The following CYRIA variants were observed in gnomAD, a reference collection of about 807,000 sequenced individuals.
CYRIA encodes CYFIP related Rac1 interactor A.
Under a neutral mutation model 43.9 loss-of-function variants are expected in CYRIA, and 15 were observed. That is an observed-to-expected ratio of 0.34 (90% confidence interval 0.23 to 0.53). CYRIA has a LOEUF of 0.53. Ranked by LOEUF, CYRIA falls within the 20% of genes least tolerant of loss-of-function variation. The pLI is 0.94. For missense variants in CYRIA, 236 were observed against 394.2 expected (o/e 0.60, Z 3.40); for synonymous variants, 117 against 136.0 (o/e 0.86, Z 0.97).
At chr2:16,578,070 G>C (rs763979379) in intron 3 of CYRIA, among the ~76,000 whole-genome samples, 1 of 152,218 alleles carries the variant, frequency 6.6e-6, no homozygotes, top group Non-Finnish European at 1.5e-5. Flanking sequence ...AGAATCAGGT[G>C]TTCTGGAGGG....
chr2:16,603,045 C>T (rs1046102465), intron 2 of CYRIA, among the ~76,000 whole-genome samples: 1 of 152,140 alleles, frequency 6.6e-6, no homozygotes, highest in African/African-American at 2.4e-5. Context: ...GCCGGCAGAG[C>T]CATTTTCCTA....
At chr2:16,638,228 C>T (rs894324321) in intron 1 of CYRIA, among the ~76,000 whole-genome samples, 3 of 152,176 alleles carry the variant, frequency 2.0e-5, no homozygotes, top group East Asian at 1.9e-4. Flanking sequence ...TTCTTCCACC[C>T]CTGGGGATGA....
intron 5 of CYRIA, among the ~76,000 whole-genome samples, chr2:16,563,383 T>G (rs1008383014): frequency 2.0e-5 from 3 of 152,154 alleles, no homozygotes; most frequent in African/African-American, 4.8e-5. Flanking sequence ...GGCACTCATT[T>G]TATGGCAAAA....
intron 1 of CYRIA, among the ~76,000 whole-genome samples, chr2:16,644,424 C>T (rs1392211581): frequency 1.3e-5 from 2 of 152,228 alleles, no homozygotes; most frequent in African/African-American, 2.4e-5. Flanking sequence ...TGGAAGACTG[C>T]CCTTGTTGTG....
At chr2:16,659,021 A>G (rs566755105) in intron 1 of CYRIA, among the ~76,000 whole-genome samples, 119 of 152,246 alleles carry the variant, frequency 7.8e-4, no homozygotes, top group Non-Finnish European at 1.5e-3. Flanking sequence ...TCTGTGTGGC[A>G]TCCTCCGTGG....
At chr2:16,640,230 T>C in intron 1 of CYRIA, among the ~76,000 whole-genome samples, 1 of 152,240 alleles carries the variant, frequency 6.6e-6, no homozygotes, top group Non-Finnish European at 1.5e-5. Context: ...ACTTTTATCC[T>C]TTTATGGGCA....
At chr2:16,621,155 C>T (rs527634822) in intron 2 of CYRIA, among the ~76,000 whole-genome samples, 1 of 152,270 alleles carries the variant, frequency 6.6e-6, no homozygotes, top group East Asian at 1.9e-4. Context: ...ATAGAAGAGG[C>T]ACTCATATAT....
rs202029542 is a variant in CYRIA at position 16,559,460 on chromosome 2, A to G, written c.837T>C (p.Asp279=). The G allele has an allele frequency of 1.4e-4, 232 of 1,611,844 alleles. 2 individuals carry two copies. In the Middle Eastern group the frequency reaches 2.8e-3, roughly 19 times the overall value. ...AAGCACATTTCACAACTATTCTTAC[A>G]TCGATCTTGGATGTCTTGCAGAAAG... The part of the protein sequence containing the change: ...VGAFCKTSKI[D]MKGCIKVLKE... The change falls in exon 10 of 12, where the codon GAT becomes GAC. Residue 279 remains aspartate, a splice_region_variant and synonymous_variant. Coordinates refer to ENST00000381323, the MANE Select transcript of CYRIA (RefSeq NM_030797.4).
chr2:16,570,495 T>A (rs1667091110), intron 3 of CYRIA, among the ~76,000 whole-genome samples: 1 of 152,186 alleles, frequency 6.6e-6, no homozygotes, highest in South Asian at 2.1e-4. Flanking sequence ...ATCTGGAAAA[T>A]CCCTTTGAGA....
intron 6 of CYRIA, among the ~76,000 whole-genome samples, chr2:16,561,747 C>G (rs1291160027): frequency 6.6e-6 from 1 of 152,178 alleles, no homozygotes; most frequent in Non-Finnish European, 1.5e-5. Context: ...TATATTTGGT[C>G]TCAATGTGGA....
At chr2:16,582,686 T>G (rs1310934179) in intron 3 of CYRIA, among the ~76,000 whole-genome samples, 1 of 152,222 alleles carries the variant, frequency 6.6e-6, no homozygotes, top group Non-Finnish European at 1.5e-5. Flanking sequence ...ATATCACCTA[T>G]CAGTACTTCA....
intron 1 of CYRIA, among the ~76,000 whole-genome samples, chr2:16,638,316 A>G (rs12476938): frequency 0.22 from 33,768 of 152,028 alleles, 6,508 homozygotes; most frequent in East Asian, 0.61. Context: ...TAAACACAGG[A>G]AATGACGATT....
chr2:16,631,712 A>G (rs1178658556), intron 1 of CYRIA, among the ~76,000 whole-genome samples: 4 of 152,230 alleles, frequency 2.6e-5, no homozygotes, highest in Non-Finnish European at 4.4e-5. Flanking sequence ...GAATTTCAGC[A>G]AATACTACTG....
chr2:16,569,899 C>G (rs896078224), intron 3 of CYRIA, among the ~76,000 whole-genome samples: 1 of 152,156 alleles, frequency 6.6e-6, no homozygotes, highest in African/African-American at 2.4e-5. Flanking sequence ...AGTAGATGCT[C>G]AAGAAAAATT....
chr2:16,565,666 C>A lies in CYRIA; in HGVS notation c.172G>T (p.Ala58Ser). The change falls in exon 4 of 12, where the codon GCA becomes TCA. Residue 58 changes from alanine to serine, a missense_variant. Around this residue, in one of 3 missense-constraint regions of CYRIA, gnomAD observed 193 missense variants for 303.9 expected, o/e 0.64. Transcript: ENST00000381323. ...CATACATCTCGGATCTCTGGGCCTG[C>A]GCCTTTGTAAGCCTGCAGGTCTGCA... ...ILADLQAYKG[A>S]GPEIRDAIQN... The A allele has an allele frequency of 1.3e-6, 2 of 1,581,584 alleles. No homozygotes were observed. The highest frequency in any genetic ancestry group is 8.7e-7 in the Non-Finnish European group (1 of 1,155,596).
chr2:16,630,539 A>G (rs1465354406), intron 1 of CYRIA, among the ~76,000 whole-genome samples: 2 of 152,184 alleles, frequency 1.3e-5, no homozygotes, highest in Non-Finnish European at 2.9e-5. Flanking sequence ...ACCCATGTTC[A>G]GGGCAGGAAA....
At chr2:16,583,441 G>A (rs1667619445) in intron 3 of CYRIA, among the ~76,000 whole-genome samples, 2 of 152,262 alleles carry the variant, frequency 1.3e-5, no homozygotes, top group South Asian at 2.1e-4. Flanking sequence ...TGGAAATGTG[G>A]GAAAAATGGA....
At chr2:16,617,117 T>G (rs913485067) in intron 2 of CYRIA, among the ~76,000 whole-genome samples, 4 of 152,210 alleles carry the variant, frequency 2.6e-5, no homozygotes, top group Non-Finnish European at 4.4e-5. Flanking sequence ...AGACAGTTGA[T>G]AGATGGCTGT....
chr2:16,641,417 C>G (rs1669672507), intron 1 of CYRIA, among the ~76,000 whole-genome samples: 1 of 152,122 alleles, frequency 6.6e-6, no homozygotes, highest in African/African-American at 2.4e-5. Context: ...TCTTTCTCCT[C>G]CATTTGTTTA....
Sources: gnomAD v4.1 joint callset for allele counts (sites outside exome capture counted in the v4.1 genomes callset) on GRCh38, gnomAD v4.1.1 for gene constraint, gnomAD v4.1.1 regional missense constraint, MANE v1.5 for transcripts, NCBI Gene and HGNC (gene_info 2026-07-23, HGNC 2026-07-21) for gene names.